CLSTN2: variants seen among roughly 807,000 people sequenced by gnomAD.
CLSTN2 encodes the protein calsyntenin 2.
In CLSTN2, 48 loss-of-function variants were observed where a neutral mutation model predicts 101.2. That is an observed-to-expected ratio of 0.47 (90% confidence interval 0.38 to 0.60). The LOEUF (loss-of-function observed/expected upper bound fraction) is 0.60, where lower values mean the gene tolerates loss of function less well. CLSTN2 is among the 20% of genes least tolerant of loss of function. The pLI, the probability that CLSTN2 is intolerant of heterozygous loss-of-function variation, is 0.00. For synonymous variants in CLSTN2, 481 were observed against 463.6 expected, an observed-to-expected ratio of 1.04 and a Z score of -0.48; for missense variants, 1,160 against 1,238.2, an observed-to-expected ratio of 0.94 and a Z score of 0.95.
intron 1 of CLSTN2, among the ~76,000 whole-genome samples, chr3:139,946,464 C>T (rs1935216086): frequency 1.3e-5 from 2 of 152,224 alleles, no homozygotes; most frequent in African/African-American, 4.8e-5. Context: ...CTTGGTCTTG[C>T]TGCTACTCCA....
At chr3:140,318,926 T>C (rs909240222) in intron 2 of CLSTN2, among the ~76,000 whole-genome samples, 2 of 152,210 alleles carry the variant, frequency 1.3e-5, no homozygotes, top group African/African-American at 4.8e-5. Context: ...AATCTTGATT[T>C]ACTTTTCTTC....
intron 2 of CLSTN2, among the ~76,000 whole-genome samples, chr3:140,249,295 G>A (rs1049610317): frequency 3.3e-5 from 5 of 152,188 alleles, no homozygotes; most frequent in African/African-American, 9.7e-5. Context: ...TGCTGCAGAT[G>A]TTCTGGCTGG....
chr3:140,087,166 G>A (rs868397548), intron 1 of CLSTN2, among the ~76,000 whole-genome samples: 1 of 151,976 alleles, frequency 6.6e-6, no homozygotes, highest in Non-Finnish European at 1.5e-5. Context: ...CTCAGAAACC[G>A]GTGTCTTGAG....
At chr3:140,476,654 C>CTTT (rs564731249) in intron 8 of CLSTN2, among the ~76,000 whole-genome samples, 2 of 124,606 alleles carry the variant, frequency 1.6e-5, no homozygotes, top group Non-Finnish European at 1.6e-5. Flanking sequence ...GTTTTAGCAT[C>CTTT]TTTTTTTTTT....
chr3:140,129,413 A>G (rs1301859170), intron 1 of CLSTN2, among the ~76,000 whole-genome samples: 2 of 152,110 alleles, frequency 1.3e-5, no homozygotes, highest in Non-Finnish European at 2.9e-5. Context: ...TTCTTTTGTT[A>G]ATTAGCTGTG....
intron 2 of CLSTN2, among the ~76,000 whole-genome samples, chr3:140,360,018 A>G (rs1176509260): frequency 3.3e-5 from 5 of 151,668 alleles, no homozygotes; most frequent in African/African-American, 1.2e-4. Flanking sequence ...ACACACACAC[A>G]CACACACACA....
At chr3:140,542,853 T>G (rs1935512870) in intron 9 of CLSTN2, among the ~76,000 whole-genome samples, 1 of 152,180 alleles carries the variant, frequency 6.6e-6, no homozygotes. Flanking sequence ...AGATAGATCC[T>G]AATGGGCTTT....
chr3:140,074,749 C>G (rs1387707863), intron 1 of CLSTN2, among the ~76,000 whole-genome samples: 1 of 152,124 alleles, frequency 6.6e-6, no homozygotes, highest in African/African-American at 2.4e-5. Context: ...GACTCCGGAG[C>G]CTGAGCTTGG....
intron 2 of CLSTN2, among the ~76,000 whole-genome samples, chr3:140,356,145 TAGAG>T (rs1446593060): frequency 3.9e-5 from 6 of 152,100 alleles, no homozygotes; most frequent in African/African-American, 1.4e-4. Context: ...TGTGAGCTCT[TAGAG>T]GGAAGAGACT....
intron 1 of CLSTN2, among the ~76,000 whole-genome samples, chr3:140,074,803 C>T (rs2008458082): frequency 6.6e-6 from 1 of 152,164 alleles, no homozygotes; most frequent in South Asian, 2.1e-4. Flanking sequence ...CCTGTGTTCC[C>T]TCAATCATTA....
intron 8 of CLSTN2, among the ~76,000 whole-genome samples, chr3:140,516,922 C>T (rs1007711899): frequency 5.9e-5 from 9 of 152,152 alleles, no homozygotes; most frequent in African/African-American, 1.9e-4. Flanking sequence ...CCTTCAAATA[C>T]GTTTTCCAAA....
At chr3:140,544,635 C>T (rs1478650785) in intron 9 of CLSTN2, among the ~76,000 whole-genome samples, 1 of 152,086 alleles carries the variant, frequency 6.6e-6, no homozygotes, top group Non-Finnish European at 1.5e-5. Context: ...ACATAAACAC[C>T]CACATGCAAA....
intron 2 of CLSTN2, among the ~76,000 whole-genome samples, chr3:140,188,058 T>A (rs2010507803): frequency 6.6e-6 from 1 of 152,172 alleles, no homozygotes; most frequent in South Asian, 2.1e-4. Context: ...TGTACTTGTC[T>A]ATTTGTGAGC....
intron 8 of CLSTN2, among the ~76,000 whole-genome samples, chr3:140,529,355 A>C (rs1935208588): frequency 6.6e-6 from 1 of 152,356 alleles, no homozygotes; most frequent in East Asian, 1.9e-4. Flanking sequence ...GGCCTCAGGC[A>C]TCATTCTGGG....
At chr3:139,941,663 G>T (rs537051599) in intron 1 of CLSTN2, among the ~76,000 whole-genome samples, 1 of 152,300 alleles carries the variant, frequency 6.6e-6, no homozygotes, top group African/African-American at 2.4e-5. Flanking sequence ...AAGGGATGTT[G>T]ATGGGTGGGT....
chr3:140,125,918 T>TG (rs1339200895), intron 1 of CLSTN2, among the ~76,000 whole-genome samples: 1 of 152,232 alleles, frequency 6.6e-6, no homozygotes, highest in South Asian at 2.1e-4. Flanking sequence ...ACAACATGAC[T>TG]GACAGGAAGG....
Position 140,537,587 on chromosome 3 carries a change from G to A in CLSTN2, c.1507+5101G>A, listed in dbSNP as rs554287079. 9.9e-5 allele frequency among the ~76,000 whole-genome samples: 15 copies of A among 152,200 alleles called. No individual in the cohort carries two copies. In the South Asian group the frequency reaches 2.7e-3, roughly 27 times the overall value. On this transcript the variant is annotated intron_variant, in intron 9 of 16. Coordinates refer to ENST00000458420, the MANE Select transcript of CLSTN2 (RefSeq NM_022131.3). ...GTGTCCAGGATGACACAATATTCAG[G>A]ATGGAGGCAGACCCTCTCCCATGGC...
chr3:140,133,981 T>A (rs1040404055), intron 1 of CLSTN2, among the ~76,000 whole-genome samples: 4 of 152,168 alleles, frequency 2.6e-5, no homozygotes, highest in African/African-American at 7.2e-5. Flanking sequence ...ACAGCCTGTC[T>A]TGTGGGCAAT....
chr3:140,030,840 C>T (rs962607817), intron 1 of CLSTN2, among the ~76,000 whole-genome samples: 7 of 152,200 alleles, frequency 4.6e-5, no homozygotes, highest in South Asian at 2.1e-4. Flanking sequence ...TTGCAGCTTC[C>T]GCCTTGAATT....
Sources: gnomAD v4.1 joint callset for allele counts (sites outside exome capture counted in the v4.1 genomes callset) on GRCh38, gnomAD v4.1.1 for gene constraint, MANE v1.5 for transcripts, NCBI Gene and HGNC (gene_info 2026-07-23, HGNC 2026-07-21) for gene names.